KCND2: variants seen among roughly 807,000 people sequenced by gnomAD.
KCND2 encodes A-type voltage-gated potassium channel KCND2.
A neutral mutation model predicts 54.4 loss-of-function variants in KCND2; 16 were observed. That is an observed-to-expected ratio of 0.29 (90% CI 0.20 to 0.45). The LOEUF is 0.45. KCND2 is among the 20% of genes least tolerant of loss of function. KCND2 has a pLI of 1.00. For synonymous variants in KCND2, 317 were observed against 310.7 expected, an observed-to-expected ratio of 1.02 and a Z score of -0.21; for missense variants, 486 against 824.2, an observed-to-expected ratio of 0.59 and a Z score of 5.02.
chr7:120,535,821 T>C (rs893858504), intron 1 of KCND2, among the ~76,000 whole-genome samples: 6 of 152,148 alleles, frequency 3.9e-5, no homozygotes, highest in Admixed American at 2.6e-4. Flanking sequence ...GATGAAGGCA[T>C]CCAGCTGGAG....
chr7:120,612,629 T>C (rs1044695764), intron 1 of KCND2, among the ~76,000 whole-genome samples: 2 of 152,162 alleles, frequency 1.3e-5, no homozygotes, highest in Admixed American at 1.3e-4. Flanking sequence ...CACACTAAGA[T>C]CCAAATACCC....
At chr7:120,446,547 C>A (rs1305042182) in intron 1 of KCND2, among the ~76,000 whole-genome samples, 1 of 133,704 alleles carries the variant, frequency 7.5e-6, no homozygotes, top group Non-Finnish European at 1.5e-5. Context: ...ATATTATAAA[C>A]ACACACACAC....
chr7:120,287,700 C>T (rs1799367529), intron 1 of KCND2, among the ~76,000 whole-genome samples: 1 of 151,954 alleles, frequency 6.6e-6, no homozygotes, highest in African/African-American at 2.4e-5. Flanking sequence ...TAAAAATACA[C>T]AAGCATGGTG....
At chr7:120,354,737 G>C (rs1487836726) in intron 1 of KCND2, among the ~76,000 whole-genome samples, 1 of 152,132 alleles carries the variant, frequency 6.6e-6, no homozygotes, top group Non-Finnish European at 1.5e-5. Context: ...TCCCACCTGG[G>C]TAACAGAGGG....
intron 1 of KCND2, among the ~76,000 whole-genome samples, chr7:120,306,149 C>T (rs1455405720): frequency 6.6e-6 from 1 of 151,960 alleles, no homozygotes; most frequent in African/African-American, 2.4e-5. Context: ...TGTCTCTTAC[C>T]TTATCATCAG....
chr7:120,622,723 A>T (rs868633133), intron 1 of KCND2, among the ~76,000 whole-genome samples: 3,545 of 150,164 alleles, frequency 0.024, 97 homozygotes, highest in African/African-American at 0.076. Context: ...TCTCACACAC[A>T]CACACACACA....
At chr7:120,510,647 C>A (rs1393319626) in intron 1 of KCND2, among the ~76,000 whole-genome samples, 1 of 152,004 alleles carries the variant, frequency 6.6e-6, no homozygotes, top group African/African-American at 2.4e-5. Flanking sequence ...TACACAGATT[C>A]TCTACCTAAG....
intron 1 of KCND2, among the ~76,000 whole-genome samples, chr7:120,339,504 TG>T (rs1800208468): frequency 3.2e-3 from 1 of 316 alleles, no homozygotes. Context: ...TTTAGAAGGC[TG>T]TGTGTGTGTG....
At chr7:120,529,233 A>G (rs1791813860) in intron 1 of KCND2, among the ~76,000 whole-genome samples, 1 of 152,178 alleles carries the variant, frequency 6.6e-6, no homozygotes, top group African/African-American at 2.4e-5. Context: ...GTTTGAGATT[A>G]GATAGAATTG....
chr7:120,715,691 A>G (rs529304233), intron 1 of KCND2, among the ~76,000 whole-genome samples: 1 of 152,224 alleles, frequency 6.6e-6, no homozygotes, highest in South Asian at 2.1e-4. Flanking sequence ...TGAGAAAGAT[A>G]AAGATCTTAA....
chr7:120,651,849 T>G (rs1265351464), intron 1 of KCND2, among the ~76,000 whole-genome samples: 1 of 152,214 alleles, frequency 6.6e-6, no homozygotes, highest in Non-Finnish European at 1.5e-5. Flanking sequence ...TCTATTTATT[T>G]AAGTTGGCCT....
intron 1 of KCND2, among the ~76,000 whole-genome samples, chr7:120,653,677 A>C (rs1178102483): frequency 6.6e-6 from 1 of 152,222 alleles, no homozygotes; most frequent in Admixed American, 6.5e-5. Flanking sequence ...GATAAAAAGG[A>C]GATGTTGTTC....
intron 1 of KCND2, among the ~76,000 whole-genome samples, chr7:120,664,268 TTTC>T (rs1791899088): frequency 6.6e-6 from 1 of 152,108 alleles, no homozygotes; most frequent in Non-Finnish European, 1.5e-5. Context: ...CTTATGTATT[TTTC>T]TGCCTTGGCC....
chr7:120,309,257 A>G (rs62470532), intron 1 of KCND2, among the ~76,000 whole-genome samples: 19,126 of 151,904 alleles, frequency 0.13, 1,268 homozygotes, highest in African/African-American at 0.16. Flanking sequence ...AAAAGTTAAG[A>G]TGTTTATTCT....
intron 1 of KCND2, among the ~76,000 whole-genome samples, chr7:120,648,636 A>G (rs552860614): frequency 6.6e-6 from 1 of 152,192 alleles, no homozygotes; most frequent in Non-Finnish European, 1.5e-5. Context: ...TTAGCTTTGC[A>G]TTGCCCATAC....
intron 1 of KCND2, among the ~76,000 whole-genome samples, chr7:120,481,074 A>G (rs1273083705): frequency 6.6e-6 from 1 of 152,244 alleles, no homozygotes; most frequent in Non-Finnish European, 1.5e-5. Flanking sequence ...TGCTGGTAGA[A>G]CGCCATACCA....
At chr7:120,451,100 T>C (rs1802099628) in intron 1 of KCND2, among the ~76,000 whole-genome samples, 1 of 152,154 alleles carries the variant, frequency 6.6e-6, no homozygotes, top group Non-Finnish European at 1.5e-5. Context: ...CCCACAGTGG[T>C]CCATTTGGTA....
chr7:120,626,672 C>T (rs1021855379), intron 1 of KCND2, among the ~76,000 whole-genome samples: 3 of 152,162 alleles, frequency 2.0e-5, no homozygotes, highest in South Asian at 2.1e-4. Context: ...GTCTGCATTG[C>T]ACATTAAGAT....
intron 1 of KCND2, among the ~76,000 whole-genome samples, chr7:120,522,276 A>G (rs1195680565): frequency 6.6e-6 from 1 of 152,184 alleles, no homozygotes; most frequent in African/African-American, 2.4e-5. Context: ...TGTAAGCACG[A>G]TTCAAAAATC....
Sources: allele counts gnomAD v4.1 joint callset (sites outside exome capture counted in the v4.1 genomes callset), GRCh38; gene constraint gnomAD v4.1.1; transcripts MANE v1.5; gene names NCBI Gene and HGNC (gene_info 2026-07-23, HGNC 2026-07-21).